The following FGF12 variants were observed in gnomAD, a reference collection of about 807,000 sequenced individuals.
The protein encoded by FGF12 is fibroblast growth factor 12.
In FGF12, 14 loss-of-function variants were observed where a neutral mutation model predicts 23.6. The observed-to-expected ratio is 0.59, with a 90% CI of 0.39 to 0.93. The LOEUF is 0.93. Ranked by LOEUF, FGF12 falls within the 40% of genes least tolerant of loss-of-function variation. FGF12 has a pLI of 0.00. For missense variants in FGF12, 175 were observed against 217.8 expected (o/e 0.80, Z 1.24); for synonymous variants, 62 against 77.3 (o/e 0.80, Z 1.04).
Position 192,669,602 on chromosome 3 carries a change from T to TAAAAAAAAAAAAAAAAAAAAA in FGF12, c.13+57558_13+57578dup, listed in dbSNP as rs59897483. ...CTGGAGACAGAGAAAGACTCTGTCT[T>TAAAAAAAAAAAAAAAAAAAAA]AAAAAAAAAAAAAAAAAAAAAAAAA... On this transcript the variant is annotated intron_variant, in intron 2 of 5. Coordinates refer to ENST00000445105, the MANE Select transcript of FGF12 (RefSeq NM_004113.6). Among the ~76,000 whole-genome samples the TAAAAAAAAAAAAAAAAAAAAA allele has an allele frequency of 3.7e-4, 22 of 59,528 alleles. 2 individuals are homozygous for TAAAAAAAAAAAAAAAAAAAAA. Among genetic ancestry groups the TAAAAAAAAAAAAAAAAAAAAA allele is most frequent in the Admixed American group, 7.5e-4 (3 of 4,008 alleles). 39.1% of individuals were successfully genotyped at this position (59,528 alleles called of 152,430 possible). A position where few individuals can be genotyped will look rare whatever the true frequency, so the allele number is the denominator to read the frequency against.
intron 2 of FGF12, among the ~76,000 whole-genome samples, chr3:192,421,739 C>A (rs1430331809): frequency 6.6e-6 from 1 of 151,874 alleles, no homozygotes; most frequent in Admixed American, 6.6e-5. Flanking sequence ...TTGATGGGTG[C>A]AGCAAACCAC....
intron 2 of FGF12, among the ~76,000 whole-genome samples, chr3:192,703,265 T>C (rs1184077332): frequency 1.3e-5 from 2 of 152,198 alleles, no homozygotes; most frequent in African/African-American, 4.8e-5. Flanking sequence ...TACTAGTGCA[T>C]AGAAAAGTTA....
At chr3:192,723,294 G>T (rs1026705413) in intron 2 of FGF12, among the ~76,000 whole-genome samples, 2 of 151,950 alleles carry the variant, frequency 1.3e-5, no homozygotes, top group South Asian at 4.1e-4. Context: ...TTTCATTTTT[G>T]TTGTATCCAA....
intron 2 of FGF12, among the ~76,000 whole-genome samples, chr3:192,392,599 AGAG>A (rs1720350222): frequency 1.2e-5 from 1 of 81,170 alleles, no homozygotes; most frequent in African/African-American, 6.0e-5. Flanking sequence ...TCCGAGAGAG[AGAG>A]AGAGAGAGAG....
chr3:192,215,626 C>G (rs1337974225), intron 4 of FGF12, among the ~76,000 whole-genome samples: 1 of 152,190 alleles, frequency 6.6e-6, no homozygotes, highest in African/African-American at 2.4e-5. Context: ...TACCTATTAT[C>G]TCCTAGCAGG....
chr3:192,517,552 A>G (rs1008262210), intron 2 of FGF12, among the ~76,000 whole-genome samples: 1 of 152,260 alleles, frequency 6.6e-6, no homozygotes, highest in Non-Finnish European at 1.5e-5. Context: ...CACAGTACTT[A>G]TAAAAACAAA....
At chr3:192,211,781 T>C (rs1272153305) in intron 4 of FGF12, among the ~76,000 whole-genome samples, 1 of 152,174 alleles carries the variant, frequency 6.6e-6, no homozygotes, top group Non-Finnish European at 1.5e-5. Flanking sequence ...TAACAATACA[T>C]TTTAAAGAAG....
intron 2 of FGF12, among the ~76,000 whole-genome samples, chr3:192,650,130 T>C (rs1026525346): frequency 1.3e-5 from 2 of 152,218 alleles, no homozygotes; most frequent in African/African-American, 4.8e-5. Flanking sequence ...CCAAAGACCC[T>C]CTTTAAGAGT....
intron 4 of FGF12, among the ~76,000 whole-genome samples, chr3:192,172,281 C>T (rs963089082): frequency 1.3e-5 from 2 of 149,282 alleles, no homozygotes; most frequent in African/African-American, 2.4e-5. Context: ...TCCAGCTACT[C>T]GGGAGGCTGA....
In FGF12 at chr3:192,603,530, C is replaced by T. The variant is rs191921403; in HGVS notation, c.13+123651G>A. ...GATTCTATTTTCCATAAGTGTTGGCCGGCTGAGAAATAAAGAGAAAGAGTA... is the reference window on the plus strand; with the variant it reads ...GATTCTATTTTCCATAAGTGTTGGCTGGCTGAGAAATAAAGAGAAAGAGTA... On this transcript the variant is annotated intron_variant, in intron 2 of 5. Coordinates refer to ENST00000445105, the MANE Select transcript of FGF12 (RefSeq NM_004113.6). 1.3e-3 allele frequency among the ~76,000 whole-genome samples: 204 copies of T among 152,032 alleles called. 1 individual carries two copies. Among genetic ancestry groups the T allele is most frequent in the South Asian group, 5.2e-3 (25 of 4,814 alleles).
chr3:192,243,387 T>C (rs1256139541), intron 4 of FGF12, among the ~76,000 whole-genome samples: 1 of 151,970 alleles, frequency 6.6e-6, no homozygotes, highest in African/African-American at 2.4e-5. Flanking sequence ...GGCACATGAA[T>C]AAACAGTCAT....
At chr3:192,442,932 C>T (rs958910334) in intron 2 of FGF12, among the ~76,000 whole-genome samples, 4 of 151,838 alleles carry the variant, frequency 2.6e-5, no homozygotes, top group Admixed American at 6.6e-5. Context: ...CTCAGCCTCC[C>T]TAGTAGCTGG....
intron 2 of FGF12, among the ~76,000 whole-genome samples, chr3:192,658,603 G>A (rs1716535029): frequency 1.3e-5 from 2 of 152,010 alleles, no homozygotes; most frequent in Non-Finnish European, 2.9e-5. Flanking sequence ...TGAAATAATA[G>A]GTTAGCTTGA....
intron 4 of FGF12, among the ~76,000 whole-genome samples, chr3:192,316,925 C>A (rs192453403): frequency 7.0e-4 from 106 of 152,240 alleles, no homozygotes; most frequent in African/African-American, 2.4e-3. Flanking sequence ...TAGAATAGAG[C>A]ACCAGTCATG....
chr3:192,292,732 C>T (rs1010887861), intron 4 of FGF12, among the ~76,000 whole-genome samples: 33 of 152,092 alleles, frequency 2.2e-4, no homozygotes, highest in Non-Finnish European at 4.7e-4. Context: ...AAACAACAAA[C>T]AACACACTTC....
intron 2 of FGF12, among the ~76,000 whole-genome samples, chr3:192,707,945 T>C (rs1307514902): frequency 1.3e-5 from 2 of 151,572 alleles, no homozygotes; most frequent in Admixed American, 1.3e-4. Context: ...ATAGCATCCA[T>C]TATTATTATT....
At chr3:192,696,317 G>A (rs1022757738) in intron 2 of FGF12, among the ~76,000 whole-genome samples, 1 of 152,136 alleles carries the variant, frequency 6.6e-6, no homozygotes, top group Admixed American at 6.5e-5. Flanking sequence ...CTCTGAGCAA[G>A]TGACTGATGC....
At chr3:192,710,307 A>G (rs1718623019) in intron 2 of FGF12, among the ~76,000 whole-genome samples, 1 of 152,162 alleles carries the variant, frequency 6.6e-6, no homozygotes, top group Non-Finnish European at 1.5e-5. Context: ...TATCCTTTCA[A>G]GTAAGGATAA....
intron 2 of FGF12, among the ~76,000 whole-genome samples, chr3:192,469,598 A>C (rs185894880): frequency 2.3e-3 from 348 of 152,340 alleles, no homozygotes; most frequent in Admixed American, 4.6e-3. Context: ...TGTAAGATCT[A>C]AATTAGGCTA....
Sources: gnomAD v4.1 joint callset for allele counts (sites outside exome capture counted in the v4.1 genomes callset) on GRCh38, gnomAD v4.1.1 for gene constraint, MANE v1.5 for transcripts, NCBI Gene and HGNC (gene_info 2026-07-23, HGNC 2026-07-21) for gene names.